The following IQSEC3 variants were observed in gnomAD, a reference collection of about 807,000 sequenced individuals.
IQSEC3 encodes IQ motif and SEC7 domain-containing protein 3.
A neutral mutation model predicts 105.4 loss-of-function variants in IQSEC3; 50 were observed. The ratio of observed to expected loss-of-function variants is 0.47; its 90% confidence interval spans 0.38 to 0.60. The LOEUF is 0.60. IQSEC3 is among the 20% of genes least tolerant of loss of function. The pLI is 0.00. For synonymous variants in IQSEC3, 708 were observed against 746.0 expected, an observed-to-expected ratio of 0.95 and a Z score of 0.83; for missense variants, 1,415 against 1,630.0, an observed-to-expected ratio of 0.87 and a Z score of 2.27.
intron 3 of IQSEC3, among the ~76,000 whole-genome samples, chr12:132,379 G>C (rs562843296): frequency 1.3e-5 from 2 of 152,242 alleles, no homozygotes; most frequent in African/African-American, 4.8e-5. Context: ...AGGAAGAAGC[G>C]TTTTTATCTG....
Position 138,597 on chromosome 12 carries a change from T to A in IQSEC3, c.1234T>A (p.Ser412Thr). 6.3e-7 allele frequency: 1 copy of A among 1,589,598 alleles called. No individual in the cohort carries two copies. The highest frequency in any genetic ancestry group is 8.5e-7 in the Non-Finnish European group (1 of 1,175,478). ...CGAGCAGGTGCAATCCCTGGCCAAG[T>A]CCATCGACGACGCGCTCAGCACGTG... ...FTEQVQSLAKSIDDALSTWSL... is the reference protein window; with the variant it reads ...FTEQVQSLAKTIDDALSTWSL... The change falls in exon 4 of 14, where the codon TCC becomes ACC. Residue 412 changes from serine (S) to threonine (T), a missense_variant. By Grantham distance (58) the Ser-to-Thr change is moderately conservative (BLOSUM62 1). Around this residue, in one of 6 missense-constraint regions of IQSEC3, gnomAD observed 720 missense variants for 633.0 expected, o/e 1.14. Transcript: ENST00000538872. This position sits in a 1 kb window ranked among gnomAD's most constrained non-coding sequence, Gnocchi z 7.1.
chr12:104,314 AT>A (rs1565398217), intron 2 of IQSEC3, among the ~76,000 whole-genome samples: 1 of 152,080 alleles, frequency 6.6e-6, no homozygotes, highest in African/African-American at 2.4e-5. Flanking sequence ...TGCTGCTAGA[AT>A]TTTTTTTAAG....
At chr12:149,942 G>A (rs1555092178) in intron 5 of IQSEC3, among the ~76,000 whole-genome samples, 2 of 152,220 alleles carry the variant, frequency 1.3e-5, no homozygotes, top group African/African-American at 2.4e-5. Context: ...GATGTGGGGA[G>A]CCCTGGGAGA....
intron 1 of IQSEC3, among the ~76,000 whole-genome samples, chr12:89,179 A>C (rs1864007816): frequency 1.3e-5 from 2 of 148,240 alleles, no homozygotes; most frequent in African/African-American, 2.5e-5. Flanking sequence ...AGCCATCCCC[A>C]CCCCCAATTT....
intron 1 of IQSEC3, among the ~76,000 whole-genome samples, chr12:82,493 G>A (rs1863778815): frequency 6.6e-6 from 1 of 152,204 alleles, no homozygotes; most frequent in African/African-American, 2.4e-5. Flanking sequence ...TAAGATGGGA[G>A]AAGTCATAGC....
rs189808375 is a variant in IQSEC3, at chr12:176,162, A to G, written c.*1129A>G. 3.3e-5 allele frequency: 5 copies of G among 152,184 alleles called. No individual in the cohort carries two copies. The highest frequency in any genetic ancestry group is 4.8e-5 in the African/African-American group (2 of 41,494). 9.4% of individuals were successfully genotyped at this position (152,184 alleles called of 1,614,324 possible). On this transcript the variant is annotated 3_prime_UTR_variant, in exon 14 of 14. Transcript: ENST00000538872. This position sits in a 1 kb window ranked among gnomAD's most constrained non-coding sequence, Gnocchi z 4.0. ...AGAAGGTTCTAGACCCCCCCCTTCC[A>G]GCAGGGGTGCCCAAGAGTCCCTGGA...
Position 138,032 on chromosome 12 carries a change from C to T in IQSEC3, c.904-235C>T, listed in dbSNP as rs1189261153. ...CCATATGCAGCACCTCCCTCCTGGCCCTTGAGACATCACTAGTCCCCAGAA... is the reference window on the plus strand; with the variant it reads ...CCATATGCAGCACCTCCCTCCTGGCTCTTGAGACATCACTAGTCCCCAGAA... On this transcript the variant is annotated intron_variant, in intron 3 of 13. Coordinates refer to ENST00000538872, the MANE Select transcript of IQSEC3 (RefSeq NM_001170738.2). The surrounding 1 kb of genome is among the most constrained non-coding windows in gnomAD (Gnocchi z 7.1). 6.6e-6 allele frequency among the ~76,000 whole-genome samples: 1 copy of T among 152,118 alleles called. No individual in the cohort carries two copies. The highest frequency in any genetic ancestry group is 1.5e-5 in the Non-Finnish European group (1 of 68,010).
At chr12:75,561 G>C (rs1863485568) in intron 1 of IQSEC3, among the ~76,000 whole-genome samples, 6 of 152,204 alleles carry the variant, frequency 3.9e-5, no homozygotes, top group Admixed American at 3.9e-4. Flanking sequence ...TTTTTTGGAT[G>C]GTGAAATGTC....
At chr12:82,573 A>T (rs1321175162) in intron 1 of IQSEC3, among the ~76,000 whole-genome samples, 1 of 152,206 alleles carries the variant, frequency 6.6e-6, no homozygotes, top group Non-Finnish European at 1.5e-5. Flanking sequence ...GCCCTGTCCT[A>T]ACTCCTGTAG....
intron 11 of IQSEC3, among the ~76,000 whole-genome samples, chr12:168,617 G>A (rs1211993060): frequency 2.0e-5 from 3 of 152,158 alleles, no homozygotes; most frequent in African/African-American, 7.2e-5. Flanking sequence ...TATCTCCCAC[G>A]CAGTCCTCTT....
chr12:161,143 G>A (rs2137047428), intron 7 of IQSEC3, among the ~76,000 whole-genome samples: 1 of 152,090 alleles, frequency 6.6e-6, no homozygotes, highest in East Asian at 1.9e-4. Flanking sequence ...TCAGTAGCTG[G>A]GAACACTCCT....
chr12:102,512 C>T (rs2136923093), intron 2 of IQSEC3, among the ~76,000 whole-genome samples: 1 of 152,340 alleles, frequency 6.6e-6, no homozygotes, highest in African/African-American at 2.4e-5. Context: ...GGCTGCTCAT[C>T]TATCTGATCA....
intron 1 of IQSEC3, among the ~76,000 whole-genome samples, chr12:88,134 AT>A (rs1248391826): frequency 1.3e-5 from 2 of 152,154 alleles, no homozygotes; most frequent in Non-Finnish European, 2.9e-5. Flanking sequence ...AAGGAAACTT[AT>A]TTTTTTCAAA....
At chr12:148,299 C>A (rs1591723991) in intron 5 of IQSEC3, 2 of 152,202 alleles carry the variant, frequency 1.3e-5, no homozygotes, top group Admixed American at 6.5e-5. Flanking sequence ...CTGAATCAGA[C>A]TCTGCGGCTC....
Position 168,994 on chromosome 12 carries a change from G to A in IQSEC3, c.2972-19G>A, listed in dbSNP as rs782058290. ...TGAGGTTAAGGTTTCTCTTGCTCAC[G>A]GGCCTCTGCATTCCTTAGGGGAGCT... On this transcript the variant is annotated intron_variant, in intron 11 of 13. Coordinates refer to ENST00000538872, the MANE Select transcript of IQSEC3 (RefSeq NM_001170738.2). 2.2e-5 allele frequency: 36 copies of A among 1,608,484 alleles called. No individual in the cohort carries two copies. The highest frequency in any genetic ancestry group is 1.3e-5 in the African/African-American group (1 of 74,780).
At chr12:79,229 C>CG (rs1863663187) in intron 1 of IQSEC3, among the ~76,000 whole-genome samples, 1 of 99,178 alleles carries the variant, frequency 1.0e-5, no homozygotes, top group Non-Finnish European at 2.2e-5. Context: ...GGCCCTCCCT[C>CG]ACCCCCCGCC....
chr12:109,152 T>C (rs1243964660), intron 2 of IQSEC3, among the ~76,000 whole-genome samples: 1 of 152,254 alleles, frequency 6.6e-6, no homozygotes, highest in Non-Finnish European at 1.5e-5. Context: ...ATTAAGTTTT[T>C]TTAACTGATC....
At chr12:114,271 G>A (rs1483787308) in intron 2 of IQSEC3, among the ~76,000 whole-genome samples, 1 of 152,220 alleles carries the variant, frequency 6.6e-6, no homozygotes, top group Non-Finnish European at 1.5e-5. Context: ...CATGCTTCAT[G>A]TGATGAGCCT....
chr12:99,086 A>C, intron 1 of IQSEC3, 60 bp from the exon 2 acceptor site: 1 of 1,471,290 alleles, frequency 6.8e-7, no homozygotes, highest in South Asian at 1.2e-5. Flanking sequence ...CTTTAGTGTC[A>C]GGCAGGGCGG....
Sources: gnomAD v4.1 joint callset for allele counts (sites outside exome capture counted in the v4.1 genomes callset) on GRCh38, gnomAD v4.1.1 for gene constraint, gnomAD v4.1.1 regional missense constraint, Gnocchi (gnomAD v3.1) non-coding constraint, MANE v1.5 for transcripts, NCBI Gene and HGNC (gene_info 2026-07-23, HGNC 2026-07-21) for gene names.